Variants in AKAP12 observed in about 807,000 individuals in gnomAD.
The protein encoded by AKAP12 is A-kinase anchor protein 12.
Under a neutral mutation model 79.9 loss-of-function variants are expected in AKAP12, and 32 were observed. That is an observed-to-expected ratio of 0.40 (90% CI 0.30 to 0.54). AKAP12 has a LOEUF of 0.54. AKAP12 is among the 20% of genes least tolerant of loss of function. The pLI is 0.48. For synonymous variants in AKAP12, 808 were observed against 857.0 expected (o/e 0.94, Z 1.00); for missense variants, 2,074 against 2,177.0 (o/e 0.95, Z 0.94).
chr6:151,312,655 G>A (rs536407208), intron 3 of AKAP12, among the ~76,000 whole-genome samples: 55 of 152,166 alleles, frequency 3.6e-4, no homozygotes, highest in Middle Eastern at 6.8e-3. Context: ...AGCCGGGCGT[G>A]GTGGCGGGCG....
chr6:151,351,093 G>C lies in AKAP12; in HGVS notation c.2702G>C (p.Arg901Thr). 6.2e-7 allele frequency: 1 copy of C among 1,614,198 alleles called. No homozygotes were observed. Residue 901 changes from arginine (R) to threonine (T), a missense_variant, in exon 4 of 5, where the codon AGG becomes ACG. Arg to Thr is a moderately conservative substitution (Grantham distance 71, BLOSUM62 -1). Transcript: ENST00000402676. This position sits in a 1 kb window ranked among gnomAD's most constrained non-coding sequence, Gnocchi z 4.4. ...GCAGCAGCTGTCGCTGACGGGACGA[G>C]GGCAGCTACCATTATTGAAGAAAGG... ...MMAAAVADGT[R>T]AATIIEERSP...
At chr6:151,302,302 G>A (rs893589610) in intron 2 of AKAP12, among the ~76,000 whole-genome samples, 2 of 152,018 alleles carry the variant, frequency 1.3e-5, no homozygotes, top group Non-Finnish European at 2.9e-5. Context: ...GAGCCACTGC[G>A]CCTGGTGTAA....
At chr6:151,341,994 A>G (rs545251203) in intron 3 of AKAP12, among the ~76,000 whole-genome samples, 5 of 152,238 alleles carry the variant, frequency 3.3e-5, no homozygotes, top group Admixed American at 6.5e-5. Flanking sequence ...GACAGGTGCC[A>G]AAACGCTCTG....
intron 2 of AKAP12, among the ~76,000 whole-genome samples, chr6:151,261,498 C>CA (rs1797433248): frequency 6.6e-6 from 1 of 151,814 alleles, no homozygotes; most frequent in South Asian, 2.1e-4. Context: ...CGAGACCACG[C>CA]AAAAATACAA....
chr6:151,278,262 T>C (rs370475934), intron 2 of AKAP12, among the ~76,000 whole-genome samples: 10 of 152,330 alleles, frequency 6.6e-5, no homozygotes, highest in East Asian at 1.9e-4. Flanking sequence ...GTCACTCAGG[T>C]TGGAGTAAAG....
intron 3 of AKAP12, among the ~76,000 whole-genome samples, chr6:151,315,831 A>G (rs1582875966): frequency 7.1e-6 from 1 of 141,240 alleles, no homozygotes; most frequent in Non-Finnish European, 1.6e-5. Context: ...GCGGAAGGGG[A>G]AGCAAACACA....
At chr6:151,263,911 A>G (rs557225338) in intron 2 of AKAP12, among the ~76,000 whole-genome samples, 2 of 152,210 alleles carry the variant, frequency 1.3e-5, no homozygotes, top group African/African-American at 4.8e-5. Flanking sequence ...CTTGGCTTCC[A>G]TTACATCTAT....
intron 2 of AKAP12, among the ~76,000 whole-genome samples, chr6:151,284,637 C>T (rs763928623): frequency 1.3e-5 from 2 of 152,010 alleles, no homozygotes; most frequent in South Asian, 2.1e-4. Context: ...CAAACAAAAC[C>T]GAAACCAAAA....
rs761029034 is a variant in AKAP12 at position 151,351,298 on chromosome 6, G to A, written c.2907G>A (p.Ala969=). 19 of 1,614,076 alleles carry A rather than the reference G, an allele frequency of 1.2e-5. No individual in the cohort carries two copies. The highest frequency in any genetic ancestry group is 8.0e-5 in the African/African-American group (6 of 74,918). Residue 969 remains alanine (A), a synonymous_variant, in exon 4 of 5, where the codon GCG becomes GCA. Coordinates refer to ENST00000402676, the MANE Select transcript of AKAP12 (RefSeq NM_005100.4). The surrounding 1 kb of genome is among the most constrained non-coding windows in gnomAD (Gnocchi z 4.4). ...GGGGCGACACGGTCGTTAGTGAGGC[G>A]GAATTGACCCCCGAAGCTGTGACAG... ...EARGDTVVSE[A]ELTPEAVTAA...
intron 2 of AKAP12, among the ~76,000 whole-genome samples, chr6:151,245,059 C>T (rs1413796987): frequency 2.0e-5 from 3 of 152,020 alleles, no homozygotes; most frequent in South Asian, 2.1e-4. Context: ...TAGTTTGGAT[C>T]TTGTAAGATA....
At chr6:151,286,000 C>A (rs1776498567) in intron 2 of AKAP12, among the ~76,000 whole-genome samples, 1 of 151,962 alleles carries the variant, frequency 6.6e-6, no homozygotes, top group African/African-American at 2.4e-5. Flanking sequence ...GCCTCAGCCT[C>A]CCAAGTAGCT....
At chr6:151,304,211 C>T (rs536454564) in intron 2 of AKAP12, among the ~76,000 whole-genome samples, 59 of 151,822 alleles carry the variant, frequency 3.9e-4, no homozygotes, top group Non-Finnish European at 7.5e-4. Context: ...AAGAGCAAGC[C>T]GGGCACAGTG....
chr6:151,249,192 A>G (rs1365572516), intron 2 of AKAP12, among the ~76,000 whole-genome samples: 1 of 152,128 alleles, frequency 6.6e-6, no homozygotes, highest in Non-Finnish European at 1.5e-5. Flanking sequence ...AGTAGACAGT[A>G]GCTAAGGGCT....
intron 2 of AKAP12, among the ~76,000 whole-genome samples, chr6:151,243,631 A>AT (rs1413428612): frequency 6.6e-6 from 1 of 151,862 alleles, no homozygotes; most frequent in Non-Finnish European, 1.5e-5. Flanking sequence ...TGTAATCTTT[A>AT]TTTTTTCCGT....
intron 3 of AKAP12, among the ~76,000 whole-genome samples, chr6:151,312,213 G>T (rs1352056838): frequency 1.3e-5 from 2 of 152,136 alleles, no homozygotes; most frequent in African/African-American, 4.8e-5. Flanking sequence ...ACTTACAACG[G>T]TAATCCCAGC....
Position 151,354,404 on chromosome 6 carries a change from C to T in AKAP12, c.*12+652C>T, listed in dbSNP as rs1255159458. The stretch of plus-strand genomic sequence containing the variant: ...GTTTTGTTTTCTTGAGACGGAGTCT[C>T]GCTCTGTCATCCAGGCTGGAATGCA... On this transcript the variant is annotated intron_variant, in intron 4 of 4. Coordinates refer to ENST00000402676, the MANE Select transcript of AKAP12 (RefSeq NM_005100.4). 4.7e-5 allele frequency among the ~76,000 whole-genome samples: 7 copies of T among 149,854 alleles called. No homozygotes were observed. In the South Asian group the frequency reaches 8.3e-4, roughly 18 times the overall value.
chr6:151,344,408 G>A (rs1323109768), intron 3 of AKAP12, among the ~76,000 whole-genome samples: 2 of 151,698 alleles, frequency 1.3e-5, no homozygotes, highest in Non-Finnish European at 2.9e-5. Flanking sequence ...AGCAATATTT[G>A]AAAAGAAAAA....
intron 2 of AKAP12, among the ~76,000 whole-genome samples, chr6:151,272,344 C>CAA (rs369696858): frequency 0.19 from 18,188 of 95,048 alleles, 1,484 homozygotes; most frequent in Middle Eastern, 0.29. Context: ...GACCCTGTTT[C>CAA]AAAAAAAAAA....
chr6:151,346,204 C>T, intron 3 of AKAP12, among the ~76,000 whole-genome samples: 1 of 152,132 alleles, frequency 6.6e-6, no homozygotes, highest in East Asian at 1.9e-4. Context: ...CCTTAAATCT[C>T]TTAATTTAAC....
Sources: allele counts gnomAD v4.1 joint callset (sites outside exome capture counted in the v4.1 genomes callset), GRCh38; gene constraint gnomAD v4.1.1; non-coding constraint Gnocchi (gnomAD v3.1); transcripts MANE v1.5; gene names NCBI Gene and HGNC (gene_info 2026-07-23, HGNC 2026-07-21).